Variants in ZFP41 observed in about 807,000 individuals in gnomAD.
The protein encoded by ZFP41 is zinc finger protein 41 homolog.
A neutral mutation model predicts 11.6 loss-of-function variants in ZFP41; 10 were observed. The ratio of observed to expected loss-of-function variants is 0.86; its 90% CI spans 0.53 to 1.47. ZFP41 has a LOEUF of 1.47. Ranked by LOEUF, ZFP41 falls within the 40% of genes most tolerant of loss-of-function variation. The pLI, the probability that ZFP41 is intolerant of heterozygous loss-of-function variation, is 0.00. For missense variants in ZFP41, 302 were observed against 264.6 expected, an observed-to-expected ratio of 1.14 and a Z score of -0.98; for synonymous variants, 123 against 100.9, an observed-to-expected ratio of 1.22 and a Z score of -1.31.
At chr8:143,254,596 T>C (rs1169520691) in intron 2 of ZFP41, among the ~76,000 whole-genome samples, 2 of 151,776 alleles carry the variant, frequency 1.3e-5, no homozygotes. Context: ...GTATGATCGT[T>C]GCTTTTCCCC....
chr8:143,251,750 C>T (rs960019563), intron 2 of ZFP41, among the ~76,000 whole-genome samples: 44 of 152,206 alleles, frequency 2.9e-4, no homozygotes, highest in African/African-American at 9.4e-4. Flanking sequence ...TTTCCTGCCG[C>T]GGTCTTTCTG....
At chr8:143,254,612 T>C (rs1586714472) in intron 2 of ZFP41, among the ~76,000 whole-genome samples, 1 of 150,348 alleles carries the variant, frequency 6.7e-6, no homozygotes, top group African/African-American at 2.4e-5. Flanking sequence ...TCCCCGTTAC[T>C]GACAATAGGG....
rs538111007 is a variant in ZFP41, at chr8:143,261,780, C to A, written c.*2906C>A. 197 of 213,444 alleles carry A rather than the reference C, an allele frequency of 9.2e-4. No individual in the cohort carries two copies. Among genetic ancestry groups the A allele is most frequent in the Non-Finnish European group, 1.3e-3 (137 of 106,560 alleles). The allele number at this position is 213,444 out of a possible 1,614,324, so 13.2% of individuals were successfully genotyped here. The stretch of plus-strand genomic sequence containing the variant: ...TACCCGCACCCGTGCACCTTCCACG[C>A]CCGTCTCCAGCAGCCCCTGCCCCCA... On this transcript the variant is annotated 3_prime_UTR_variant, in exon 3 of 3. Coordinates refer to ENST00000330701, the MANE Select transcript of ZFP41 (RefSeq NM_173832.6).
At position 143,260,691 on chromosome 8, in the gene ZFP41, C is replaced by G; in HGVS notation, c.*1817C>G. The G allele has an allele frequency of 5.2e-6, 1 of 191,532 alleles. No individual in the cohort carries two copies. The highest frequency in any genetic ancestry group is 6.8e-5 in the South Asian group (1 of 14,672). 11.9% of individuals were successfully genotyped at this position (191,532 alleles called of 1,614,324 possible). A position where few individuals can be genotyped will look rare whatever the true frequency, so the allele number is the denominator to read the frequency against. The stretch of plus-strand genomic sequence containing the variant: ...AGCGGGCACCACCCTCCCAGCCTCA[C>G]GCGGCCACCCTGACCAGCAGGCACC... On this transcript the variant is annotated 3_prime_UTR_variant, in exon 3 of 3. Transcript: ENST00000330701.
intron 2 of ZFP41, among the ~76,000 whole-genome samples, chr8:143,254,021 A>G (rs549885242): frequency 1.4e-4 from 22 of 152,134 alleles, no homozygotes; most frequent in Non-Finnish European, 2.2e-4. Context: ...TGAGAATCTA[A>G]TGCCACCGCT....
rs754036228 is a variant in ZFP41, at chr8:143,260,862, G to A, written c.*1988G>A. ...CCAGCCGAGCTCTGTAGGCCTCAGA[G>A]TGCAGAGAACCTCAAATGTTGTGAC... is the stretch of plus-strand genomic sequence containing the variant. On this transcript the variant is annotated 3_prime_UTR_variant, in exon 3 of 3. Coordinates refer to ENST00000330701, the MANE Select transcript of ZFP41 (RefSeq NM_173832.6). 1.2e-5 allele frequency: 2 copies of A among 167,380 alleles called. No individual in the cohort carries two copies. Among genetic ancestry groups the A allele is most frequent in the Non-Finnish European group, 2.6e-5 (2 of 77,286 alleles). The allele number at this position is 167,380 out of a possible 1,614,324, so 10.4% of individuals were successfully genotyped here. A position where few individuals can be genotyped will look rare whatever the true frequency, so the allele number is the denominator to read the frequency against.
rs1438785258 is a variant in ZFP41, at chr8:143,247,085, C to T, written c.-212C>T. On this transcript the variant is annotated 5_prime_UTR_variant, in exon 1 of 3. Transcript: ENST00000330701. Reference sequence around the variant, plus strand: ...CCGCCCTCCAGCAGTCCTGGTAGGGCCCGGGCGCGTCCGCGCTCTGCAGCG... The same window carrying T: ...CCGCCCTCCAGCAGTCCTGGTAGGGTCCGGGCGCGTCCGCGCTCTGCAGCG... 1.3e-5 allele frequency: 2 copies of T among 152,448 alleles called. No individual in the cohort carries two copies. The highest frequency in any genetic ancestry group is 4.1e-4 in the South Asian group (2 of 4,858). The allele number at this position is 152,448 out of a possible 1,614,324, so 9.4% of individuals were successfully genotyped here. A position where few individuals can be genotyped will look rare whatever the true frequency, so the allele number is the denominator to read the frequency against.
rs1164573444 is a variant in ZFP41 at position 143,261,802 on chromosome 8, C to G, written c.*2928C>G. ...ACGCCCGTCTCCAGCAGCCCCTGCC[C>G]CCACCCGCACCCCTGCACCTGCCAC... On this transcript the variant is annotated 3_prime_UTR_variant, in exon 3 of 3. Transcript: ENST00000330701. The G allele has an allele frequency of 2.0e-5, 4 of 199,862 alleles. No homozygotes were observed. Among genetic ancestry groups the G allele is most frequent in the African/African-American group, 1.2e-4 (4 of 33,210 alleles). The allele number at this position is 199,862 out of a possible 1,614,324, so 12.4% of individuals were successfully genotyped here.
In ZFP41 at chr8:143,250,518, C is replaced by T. The variant is rs780310656; in HGVS notation, c.*78C>T. ...TGCTCCGTGGCTCCCTCGTGTCCCG[C>T]GTCTGATGGGGGCGCAGGGCCGTGC... On this transcript the variant is annotated 3_prime_UTR_variant, in exon 2 of 3. Transcript: ENST00000330701. 3.0e-5 allele frequency: 46 copies of T among 1,548,492 alleles called. No individual in the cohort carries two copies. In the Middle Eastern group the frequency reaches 6.2e-4, roughly 21 times the overall value.
At chr8:143,248,980 A>G (rs946253506) in intron 1 of ZFP41, among the ~76,000 whole-genome samples, 8 of 152,220 alleles carry the variant, frequency 5.3e-5, no homozygotes, top group African/African-American at 1.9e-4. Flanking sequence ...CTCTCAACAA[A>G]GAGAATTCAA....
At position 143,261,213 on chromosome 8, in the gene ZFP41, C is replaced by T. The variant is rs1422766474; in HGVS notation, c.*2339C>T. ...CCCTGGGGTGTACCTGGGTTTCATT[C>T]CCAGTGACCTCTCCTATTGGTCCCC... On this transcript the variant is annotated 3_prime_UTR_variant, in exon 3 of 3. Transcript: ENST00000330701. The T allele has an allele frequency of 6.6e-6, 1 of 152,288 alleles. No homozygotes were observed. Among genetic ancestry groups the T allele is most frequent in the East Asian group, 1.9e-4 (1 of 5,194 alleles). 9.4% of individuals were successfully genotyped at this position (152,288 alleles called of 1,614,324 possible).
rs1816763008 is a variant in ZFP41 at position 143,249,861 on chromosome 8, C to G, written c.18C>G (p.Gly6=). 1 of 1,597,144 alleles carries G rather than the reference C, an allele frequency of 6.3e-7. No homozygotes were observed. The highest frequency in any genetic ancestry group is 1.4e-5 in the African/African-American group (1 of 73,368). The part of the protein sequence containing the change: MEKPA[G]RKKKTPTPRE... The stretch of plus-strand genomic sequence containing the variant: ...ACAGAATGATGGAGAAGCCTGCAGG[C>G]AGAAAAAAGAAGACGCCGACCCCAA... The change falls in exon 2 of 3, where the codon GGC becomes GGG. Residue 6 remains glycine, a synonymous_variant. Coordinates refer to ENST00000330701, the MANE Select transcript of ZFP41 (RefSeq NM_173832.6).
chr8:143,249,292 C>T (rs1287268006), intron 1 of ZFP41: 1 of 153,386 alleles, frequency 6.5e-6, no homozygotes, highest in Non-Finnish European at 1.5e-5. Context: ...GAAGCACTCT[C>T]CACTGGGCAC....
At position 143,250,265 on chromosome 8, in the gene ZFP41, A is replaced by C; in HGVS notation, c.422A>C (p.Lys141Thr). 1 of 1,614,114 alleles carries C rather than the reference A, an allele frequency of 6.2e-7. No individual in the cohort carries two copies. The highest frequency in any genetic ancestry group is 8.5e-7 in the Non-Finnish European group (1 of 1,180,044). ...TKHQRTHTGE[K>T]PFKCGECGKA... ...CACCAGAGGACTCACACGGGAGAGA[A>C]GCCCTTCAAATGCGGGGAGTGCGGG... Residue 141 changes from lysine to threonine, a missense_variant, in exon 2 of 3, where the codon AAG (lysine) becomes ACG (threonine). Coordinates refer to ENST00000330701, the MANE Select transcript of ZFP41 (RefSeq NM_173832.6).
chr8:143,257,659 C>T (rs1352624616), intron 2 of ZFP41, among the ~76,000 whole-genome samples: 1 of 152,170 alleles, frequency 6.6e-6, no homozygotes, highest in Non-Finnish European at 1.5e-5. Flanking sequence ...GAGCAAATCA[C>T]CCATCAGGAA....
At chr8:143,253,744 G>A (rs1384067170) in intron 2 of ZFP41, among the ~76,000 whole-genome samples, 1 of 152,152 alleles carries the variant, frequency 6.6e-6, no homozygotes, top group Non-Finnish European at 1.5e-5. Flanking sequence ...TCGGGTCACG[G>A]GGACAGATCC....
At chr8:143,255,391 G>GC (rs1472815505) in intron 2 of ZFP41, among the ~76,000 whole-genome samples, 3 of 152,122 alleles carry the variant, frequency 2.0e-5, no homozygotes, top group Non-Finnish European at 4.4e-5. Context: ...GTGTCAGCTC[G>GC]CCCCGTGTCT....
chr8:143,250,266 GC>G lies in ZFP41; in HGVS notation c.426del (p.Phe143SerfsTer17), dbSNP rs768796361. 3.7e-6 allele frequency: 6 copies of G among 1,614,124 alleles called. No homozygotes were observed. Among genetic ancestry groups the G allele is most frequent in the Non-Finnish European group, 5.1e-6 (6 of 1,180,048 alleles). ...ACCAGAGGACTCACACGGGAGAGAAGCCCTTCAAATGCGGGGAGTGCGGGAA... is the reference window on the plus strand; with the variant it reads ...ACCAGAGGACTCACACGGGAGAGAAGCCTTCAAATGCGGGGAGTGCGGGAA... ...KHQRTHTGEK[P>X]FKCGECGKAF... is the part of the protein sequence containing the mutation. On this transcript the variant is annotated frameshift_variant, in exon 2 of 3. Transcript: ENST00000330701. LOFTEE classifies it high-confidence loss of function.
intron 2 of ZFP41, among the ~76,000 whole-genome samples, chr8:143,256,321 G>A (rs1351289974): frequency 9.1e-6 from 1 of 110,482 alleles, no homozygotes; most frequent in African/African-American, 3.9e-5. Context: ...GCGTGCTGGT[G>A]TTAGTGAGAT....
Sources: gnomAD v4.1 joint callset for allele counts (sites outside exome capture counted in the v4.1 genomes callset) on GRCh38, gnomAD v4.1.1 for gene constraint, MANE v1.5 for transcripts, NCBI Gene and HGNC (gene_info 2026-07-23, HGNC 2026-07-21) for gene names.